HEATR4: variants seen among roughly 807,000 people sequenced by gnomAD.
HEATR4 encodes HEAT repeat-containing protein 4.
In HEATR4, 95 loss-of-function variants were observed where a neutral mutation model predicts 108.8. That is an observed-to-expected ratio of 0.87 (90% CI 0.74 to 1.04). The LOEUF is 1.04. Ranked by LOEUF, HEATR4 falls within the 50% of genes least tolerant of loss-of-function variation. HEATR4 has a pLI of 0.00. For synonymous variants in HEATR4, 443 were observed against 459.4 expected, an observed-to-expected ratio of 0.96 and a Z score of 0.46; for missense variants, 1,152 against 1,253.8, an observed-to-expected ratio of 0.92 and a Z score of 1.23.
intron 8 of HEATR4, among the ~76,000 whole-genome samples, chr14:73,508,951 A>G (rs1887027071): frequency 6.6e-6 from 1 of 151,620 alleles, no homozygotes; most frequent in East Asian, 1.9e-4. Flanking sequence ...GCTCAAGCTG[A>G]CTCTGATAAG....
At chr14:73,526,463 G>A (rs1230459742) in intron 2 of HEATR4, among the ~76,000 whole-genome samples, 1 of 152,202 alleles carries the variant, frequency 6.6e-6, no homozygotes, top group African/African-American at 2.4e-5. Context: ...CAACTGTGGT[G>A]AACAAGGGAG....
chr14:73,566,191 G>A, the HEATR4 span, among the ~76,000 whole-genome samples: 8 of 152,028 alleles, frequency 5.3e-5, no homozygotes, highest in East Asian at 5.8e-4. Flanking sequence ...ACAGAGTGCC[G>A]ATTGGTGTAT....
At chr14:73,597,881 C>T in the HEATR4 span, among the ~76,000 whole-genome samples, 21 of 151,378 alleles carry the variant, frequency 1.4e-4, no homozygotes, top group Non-Finnish European at 2.1e-4. Context: ...CATTAGCCAC[C>T]GCGCCTGGCC....
chr14:73,594,994 C>T, the HEATR4 span: 62 of 1,590,364 alleles, frequency 3.9e-5, no homozygotes, highest in East Asian at 4.5e-5. Flanking sequence ...CATGAGCCAC[C>T]GCACCCAATC....
At chr14:73,496,549 A>G (rs1886118498) in intron 15 of HEATR4, 52 bp downstream of exon 15, 1 of 1,104,350 alleles carries the variant, frequency 9.1e-7, no homozygotes. Context: ...GGTCTGAGGA[A>G]CTCTTGAGAG....
chr14:73,590,940 G>A, the HEATR4 span, among the ~76,000 whole-genome samples: 1 of 152,324 alleles, frequency 6.6e-6, no homozygotes, highest in South Asian at 2.1e-4. Context: ...CGCCAAGGCC[G>A]AGGAGGCGCC....
the HEATR4 span, among the ~76,000 whole-genome samples, chr14:73,573,914 G>A: frequency 3.3e-5 from 5 of 152,106 alleles, no homozygotes; most frequent in South Asian, 2.1e-4. Flanking sequence ...TTTAGTGGAG[G>A]CGGGGTTTCA....
At position 73,478,790 on chromosome 14, in the gene HEATR4, A is replaced by G; in HGVS notation, c.2897T>C (p.Leu966Pro). The change falls in exon 18 of 18, where the codon CTA becomes CCA. Residue 966 changes from leucine to proline, a missense_variant. Physicochemically the swap from Leu to Pro is moderately conservative, Grantham distance 98 (BLOSUM62 -3). Coordinates refer to ENST00000553558, the MANE Select transcript of HEATR4 (RefSeq NM_001220484.1). Reference protein sequence around the residue: ...NPWLQSSVPGLTTRSKVRSSL... With the variant: ...NPWLQSSVPGPTTRSKVRSSL... ...TGAACGAACTTTGCTTCGTGTGGTT[A>G]GGCCTGGGACTGAACTTTGTAACCA... is the stretch of plus-strand genomic sequence containing the variant. 1 of 1,613,930 alleles carries G rather than the reference A, an allele frequency of 6.2e-7. No homozygotes were observed. Among genetic ancestry groups the G allele is most frequent in the Middle Eastern group, 1.7e-4 (1 of 6,058 alleles).
At position 73,530,359 on chromosome 14, in the gene HEATR4, C is replaced by G. The variant is rs1229449904; in HGVS notation, c.-151-115G>C. On this transcript the variant is annotated intron_variant, in intron 1 of 17. Coordinates refer to ENST00000553558, the MANE Select transcript of HEATR4 (RefSeq NM_001220484.1). ...AGAAATCTGCATTTTCACAAGCTCT[C>G]AGGTTTAATACACAATACATTTAAA... The G allele has an allele frequency of 1.5e-5, 2 of 136,370 alleles. 1 individual carries two copies. The highest frequency in any genetic ancestry group is 3.2e-5 in the Non-Finnish European group (2 of 62,726). The allele number at this position is 136,370 out of a possible 1,614,324, so 8.4% of individuals were successfully genotyped here. A position where few individuals can be genotyped will look rare whatever the true frequency, so the allele number is the denominator to read the frequency against.
chr14:73,499,043 A>T, intron 13 of HEATR4, 28 bp downstream of exon 13: 1 of 1,595,620 alleles, frequency 6.3e-7, no homozygotes, highest in Non-Finnish European at 8.6e-7. Context: ...TTAAGGTTGA[A>T]GAGTTTGGGG....
chr14:73,598,230 A>AAAAAAAAAAAAC, the HEATR4 span, among the ~76,000 whole-genome samples: 1 of 147,612 alleles, frequency 6.8e-6, no homozygotes, highest in Admixed American at 6.7e-5. Context: ...AAAAAAAAAA[A>AAAAAAAAAAAAC]AAAAAAAAAC....
chr14:73,569,229 C>T, the HEATR4 span: 2 of 1,612,466 alleles, frequency 1.2e-6, no homozygotes, highest in Non-Finnish European at 1.7e-6. Context: ...CCTGCGACGG[C>T]AGCCCGAGAG....
At chr14:73,577,873 C>CA in the HEATR4 span, among the ~76,000 whole-genome samples, 1 of 151,000 alleles carries the variant, frequency 6.6e-6, no homozygotes, top group African/African-American at 2.4e-5. Flanking sequence ...TTTTTTGAGA[C>CA]AGAGTCTCAC....
At chr14:73,531,772 G>T (rs1888715515) in intron 1 of HEATR4, among the ~76,000 whole-genome samples, 1 of 112,234 alleles carries the variant, frequency 8.9e-6, no homozygotes, top group South Asian at 3.0e-4. Flanking sequence ...TGTAATCCCA[G>T]CAACTTGGGA....
the HEATR4 span, among the ~76,000 whole-genome samples, chr14:73,590,625 C>T: frequency 0.045 from 6,814 of 152,248 alleles, 234 homozygotes; most frequent in South Asian, 0.097. Context: ...CCCTGCGCCG[C>T]GGGGAGGCAG....
the HEATR4 span, among the ~76,000 whole-genome samples, chr14:73,588,469 G>A: frequency 1.3e-5 from 2 of 152,142 alleles, no homozygotes; most frequent in African/African-American, 4.8e-5. Flanking sequence ...TGCAGCTATG[G>A]GTTCTAGGGA....
the HEATR4 span, chr14:73,591,655 A>G: frequency 3.0e-6 from 1 of 335,994 alleles, no homozygotes. Context: ...AACAACTTTC[A>G]TTCCAACAAC....
Position 73,536,765 on chromosome 14 carries a change from TAAG to T in HEATR4, c.-151-6524_-151-6522del, listed in dbSNP as rs542952907. Among the ~76,000 whole-genome samples, 122 of 113,926 alleles carry T rather than the reference TAAG, an allele frequency of 1.1e-3. 28 individuals carry two copies. The highest frequency in any genetic ancestry group is 3.1e-3 in the African/African-American group (110 of 34,948). The allele number at this position is 113,926 out of a possible 152,430, so 74.7% of individuals were successfully genotyped here. On this transcript the variant is annotated intron_variant, in intron 1 of 17. Coordinates refer to ENST00000553558, the MANE Select transcript of HEATR4 (RefSeq NM_001220484.1). ...TAAAGCTCAGAGGTCACACAGCTAG[TAAG>T]AAGCCAGCACCCTTCGATGTGGGAG...
the HEATR4 span, chr14:73,596,492 G>A: frequency 4.0e-5 from 6 of 151,588 alleles, no homozygotes; most frequent in African/African-American, 9.7e-5. Context: ...GCGAGACCCC[G>A]TTTCAAAAGA....
Sources: allele counts gnomAD v4.1 joint callset (sites outside exome capture counted in the v4.1 genomes callset), GRCh38; gene constraint gnomAD v4.1.1; transcripts MANE v1.5; gene names NCBI Gene and HGNC (gene_info 2026-07-23, HGNC 2026-07-21).